SORCS2: variants seen among roughly 807,000 people sequenced by gnomAD.
SORCS2 encodes sortilin related VPS10 domain containing receptor 2, also known as VPS10 domain-containing receptor SorCS2.
SORCS2 carries 100 observed loss-of-function variants against 141.6 expected under a neutral mutation model. The observed-to-expected ratio is 0.71, with a 90% confidence interval of 0.60 to 0.83. The LOEUF is 0.83. SORCS2 is among the 40% of genes least tolerant of loss of function. The pLI, the probability that SORCS2 is intolerant of heterozygous loss-of-function variation, is 0.00. For missense variants in SORCS2, 1,646 were observed against 1,560.2 expected (o/e 1.05, Z -0.93); for synonymous variants, 789 against 676.9 (o/e 1.17, Z -2.57).
intron 1 of SORCS2, among the ~76,000 whole-genome samples, chr4:7,239,849 T>C (rs146534757): frequency 6.6e-6 from 1 of 152,352 alleles, no homozygotes; most frequent in African/African-American, 2.4e-5. Context: ...AATTTGTCAA[T>C]GAGGGTGAAC....
intron 2 of SORCS2, among the ~76,000 whole-genome samples, chr4:7,409,669 T>G (rs542854437): frequency 1.3e-5 from 2 of 152,326 alleles, no homozygotes; most frequent in African/African-American, 4.8e-5. Flanking sequence ...TGGTAAGTTT[T>G]CTGCAGGCTC....
At chr4:7,445,788 C>T (rs573729824) in intron 2 of SORCS2, among the ~76,000 whole-genome samples, 1 of 152,238 alleles carries the variant, frequency 6.6e-6, no homozygotes, top group South Asian at 2.1e-4. Flanking sequence ...GGGCTGGATA[C>T]GTCGGGAAGT....
At chr4:7,463,709 T>C (rs923658892) in intron 2 of SORCS2, among the ~76,000 whole-genome samples, 2 of 152,176 alleles carry the variant, frequency 1.3e-5, no homozygotes, top group African/African-American at 2.4e-5. Context: ...TGGGCGGGCT[T>C]GGGGAGACGG....
At chr4:7,612,180 A>G (rs1718449151) in intron 3 of SORCS2, among the ~76,000 whole-genome samples, 1 of 152,196 alleles carries the variant, frequency 6.6e-6, no homozygotes. Context: ...ATCATCAGCC[A>G]GGATGCGGGA....
At chr4:7,714,097 A>T (rs534215156) in intron 15 of SORCS2, 143 bp from the exon 16 acceptor site, 8 of 1,223,098 alleles carry the variant, frequency 6.5e-6, no homozygotes, top group African/African-American at 1.5e-5. Context: ...CAGACATGTC[A>T]CGCCCCATTA....
At chr4:7,709,658 G>A (rs544787966) in intron 14 of SORCS2, among the ~76,000 whole-genome samples, 161 of 152,260 alleles carry the variant, frequency 1.1e-3, no homozygotes, top group African/African-American at 3.4e-3. Context: ...CTGCCCTGCC[G>A]GAGAGTTCCC....
intron 1 of SORCS2, among the ~76,000 whole-genome samples, chr4:7,359,144 A>C (rs1721433212): frequency 6.6e-6 from 1 of 152,216 alleles, no homozygotes; most frequent in African/African-American, 2.4e-5. Context: ...AAAAATACAA[A>C]AATTAGCCAA....
At chr4:7,500,670 G>C (rs575744519) in intron 2 of SORCS2, among the ~76,000 whole-genome samples, 1 of 151,634 alleles carries the variant, frequency 6.6e-6, no homozygotes, top group East Asian at 1.9e-4. Context: ...CCAGTGTGCC[G>C]GCTGGAGACT....
rs766544985 is a variant in SORCS2, at chr4:7,733,391, G to A, written c.3178G>A (p.Val1060Ile). The A allele has an allele frequency of 1.3e-6, 2 of 1,592,852 alleles. No individual in the cohort carries two copies. Among genetic ancestry groups the A allele is most frequent in the South Asian group, 1.1e-5 (1 of 87,218 alleles). ...CTTCCTCCTGCGAGGCGGAGTCCGG[G>A]TCCTGGTGGCCCTGCGGGACACAGG... is the stretch of plus-strand genomic sequence containing the variant. ...ISFLLRGGVRVLVALRDTGTG... is the reference protein window; with the variant it reads ...ISFLLRGGVRILVALRDTGTG... The change falls in exon 24 of 27, where the codon GTC becomes ATC. Residue 1060 changes from valine to isoleucine, a missense_variant. Transcript: ENST00000507866.
chr4:7,596,641 A>G (rs1038804583), intron 3 of SORCS2, among the ~76,000 whole-genome samples: 4 of 152,202 alleles, frequency 2.6e-5, no homozygotes, highest in African/African-American at 7.2e-5. Context: ...TCCAGGAGAA[A>G]TCTGCGTTCC....
chr4:7,305,036 T>C lies in SORCS2; in HGVS notation c.481-91252T>C, dbSNP rs2336113. ...TCAGGCCGACATTCTGGCTCTTCTT[T>C]TTTTTTTTTTTTTTGAGACAGAGTC... On this transcript the variant is annotated intron_variant, in intron 1 of 26. Transcript: ENST00000507866. Among the ~76,000 whole-genome samples, 140 of 15,534 alleles carry C rather than the reference T, an allele frequency of 9.0e-3. 2 individuals are homozygous for C. Among genetic ancestry groups the C allele is most frequent in the Middle Eastern group, 0.062 (1 of 16 alleles). 10.2% of individuals were successfully genotyped at this position (15,534 alleles called of 152,430 possible). A position where few individuals can be genotyped will look rare whatever the true frequency, so the allele number is the denominator to read the frequency against.
intron 24 of SORCS2, among the ~76,000 whole-genome samples, chr4:7,733,683 T>C (rs887275737): frequency 1.2e-4 from 19 of 152,238 alleles, no homozygotes; most frequent in Non-Finnish European, 2.8e-4. Context: ...CCCACAGAGC[T>C]GTCTCCTCGG....
At chr4:7,372,135 G>A (rs1246298693) in intron 1 of SORCS2, among the ~76,000 whole-genome samples, 2 of 152,166 alleles carry the variant, frequency 1.3e-5, no homozygotes, top group African/African-American at 4.8e-5. Context: ...GGGTCAGTTG[G>A]CTTTGGATCT....
intron 3 of SORCS2, among the ~76,000 whole-genome samples, chr4:7,565,826 GTGATGA>G (rs144755053): frequency 0.17 from 19,895 of 118,922 alleles, 1,479 homozygotes; most frequent in Non-Finnish European, 0.21. Flanking sequence ...GATGGCAATG[GTGATGA>G]TGATGGTGAT....
At chr4:7,556,887 C>T (rs1417868960) in intron 3 of SORCS2, among the ~76,000 whole-genome samples, 1 of 150,944 alleles carries the variant, frequency 6.6e-6, no homozygotes, top group Non-Finnish European at 1.5e-5. Flanking sequence ...CCACCATCCA[C>T]CCACCCACCA....
chr4:7,658,547 A>G (rs957995475), intron 5 of SORCS2, among the ~76,000 whole-genome samples: 1 of 152,222 alleles, frequency 6.6e-6, no homozygotes, highest in Non-Finnish European at 1.5e-5. Flanking sequence ...GCCGAAATCA[A>G]CACTCCACCT....
chr4:7,690,607 T>A (rs967071760), intron 11 of SORCS2, among the ~76,000 whole-genome samples: 1 of 151,582 alleles, frequency 6.6e-6, no homozygotes, highest in African/African-American at 2.4e-5. Context: ...GGTGAGTGGA[T>A]GGATGGATGA....
At chr4:7,217,265 A>G (rs2108754761) in intron 1 of SORCS2, among the ~76,000 whole-genome samples, 1 of 152,062 alleles carries the variant, frequency 6.6e-6, no homozygotes, top group East Asian at 1.9e-4. Context: ...CCACCCCTCC[A>G]TGAGACCCGA....
chr4:7,590,056 T>C (rs554308972), intron 3 of SORCS2, among the ~76,000 whole-genome samples: 1 of 152,098 alleles, frequency 6.6e-6, no homozygotes, highest in East Asian at 1.9e-4. Context: ...GGGGAATGGC[T>C]ATTTATTGCT....
Sources: gnomAD v4.1 joint callset for allele counts (sites outside exome capture counted in the v4.1 genomes callset) on GRCh38, gnomAD v4.1.1 for gene constraint, MANE v1.5 for transcripts, NCBI Gene and HGNC (gene_info 2026-07-23, HGNC 2026-07-21) for gene names.